Variants in KCNMA1 observed in about 807,000 individuals in gnomAD.
The protein encoded by KCNMA1 is Calcium-activated potassium channel subunit alpha-1.
KCNMA1 carries 29 observed loss-of-function variants against 140.0 expected under a neutral mutation model. The ratio of observed to expected loss-of-function variants is 0.21; its 90% CI spans 0.15 to 0.28. The LOEUF (loss-of-function observed/expected upper bound fraction) is 0.28, where lower values mean the gene tolerates loss of function less well. Ranked by LOEUF, KCNMA1 falls within the 10% of genes least tolerant of loss-of-function variation. KCNMA1 has a pLI of 1.00. For missense variants in KCNMA1, 880 were observed against 1,602.2 expected (o/e 0.55, Z 7.70); for synonymous variants, 612 against 611.9 (o/e 1.00, Z 0.00).
chr10:77,055,989 T>C (rs1254410347), intron 14 of KCNMA1, among the ~76,000 whole-genome samples: 1 of 152,170 alleles, frequency 6.6e-6, no homozygotes, highest in Non-Finnish European at 1.5e-5. Flanking sequence ...CTGAGGGCAA[T>C]ATTGGACAGA....
chr10:77,011,376 C>T (rs1349938069), intron 18 of KCNMA1, among the ~76,000 whole-genome samples: 2 of 152,122 alleles, frequency 1.3e-5, no homozygotes, highest in African/African-American at 4.8e-5. Context: ...CTAGTCTACC[C>T]CAAAGAGCGA....
chr10:77,271,454 G>C (rs185753859), intron 2 of KCNMA1, among the ~76,000 whole-genome samples: 3 of 152,302 alleles, frequency 2.0e-5, no homozygotes, highest in African/African-American at 7.2e-5. Context: ...GGCTAGAACA[G>C]CATAACTAGA....
chr10:77,548,287 T>A (rs1375720602), intron 1 of KCNMA1, among the ~76,000 whole-genome samples: 1 of 152,198 alleles, frequency 6.6e-6, no homozygotes, highest in African/African-American at 2.4e-5. Context: ...CCAACATGCC[T>A]GGTGCAATCA....
intron 2 of KCNMA1, among the ~76,000 whole-genome samples, chr10:77,340,719 G>C (rs1349400295): frequency 6.6e-6 from 1 of 151,900 alleles, no homozygotes; most frequent in Non-Finnish European, 1.5e-5. Flanking sequence ...CGTGGGGTCG[G>C]GGGGAGGGGG....
chr10:77,033,085 T>C (rs2094056000), intron 15 of KCNMA1, among the ~76,000 whole-genome samples: 1 of 152,144 alleles, frequency 6.6e-6, no homozygotes, highest in Non-Finnish European at 1.5e-5. Context: ...CCTCTTCAGC[T>C]ATCCAGAGGG....
Position 77,075,437 on chromosome 10 carries a change from T to A in KCNMA1, c.1594-2185A>T, listed in dbSNP as rs981656981. ...TGTGTGTGAAAGGAGATTTTTTTGG[T>A]CCAAGCCCTAAAGAGACAGCTCTGA... On this transcript the variant is annotated intron_variant, in intron 13 of 27. Transcript: ENST00000286628. 2.0e-5 allele frequency among the ~76,000 whole-genome samples: 3 copies of A among 152,308 alleles called. No homozygotes were observed. The South Asian group carries it at 6.2e-4, about 32-fold the overall frequency.
chr10:77,229,725 A>T (rs1485338936), intron 3 of KCNMA1, among the ~76,000 whole-genome samples: 3 of 152,178 alleles, frequency 2.0e-5, no homozygotes, highest in African/African-American at 7.2e-5. Context: ...ACTCCCTGAG[A>T]CGAACCAAGG....
In KCNMA1 at chr10:76,891,578, G is replaced by A. The variant is rs2151872034; in HGVS notation, c.3289C>T (p.Arg1097Cys). The stretch of plus-strand genomic sequence containing the variant: ...AGAGCTAACTGGGCCACGCGGCAGC[G>A]GTCCCTATTGGCCAGTGTCTGCGGG... ...STPQTLANRD[R>C]CRVAQLALLD... The change falls in exon 26 of 28, where the codon CGC becomes TGC. Residue 1097 changes from arginine to cysteine, a missense_variant. By Grantham distance (180) the Arg-to-Cys change is radical. Transcript: ENST00000286628. 1 of 1,613,906 alleles carries A rather than the reference G, an allele frequency of 6.2e-7. No individual in the cohort carries two copies. The highest frequency in any genetic ancestry group is 8.5e-7 in the Non-Finnish European group (1 of 1,180,018).
intron 9 of KCNMA1, among the ~76,000 whole-genome samples, chr10:77,096,556 GC>G (rs1427506896): frequency 6.6e-6 from 1 of 152,194 alleles, no homozygotes; most frequent in Non-Finnish European, 1.5e-5. Flanking sequence ...CTTTAGCAGA[GC>G]CTCGCTCTAG....
intron 19 of KCNMA1, among the ~76,000 whole-genome samples, chr10:76,994,554 G>A (rs2083650398): frequency 6.6e-6 from 1 of 152,198 alleles, no homozygotes. Flanking sequence ...TCTTTGGGGA[G>A]TGACCCCATG....
chr10:77,506,085 A>T (rs1190626886), intron 1 of KCNMA1, among the ~76,000 whole-genome samples: 1 of 152,172 alleles, frequency 6.6e-6, no homozygotes, highest in Non-Finnish European at 1.5e-5. Context: ...GGAATTGTAA[A>T]AGGAATTCCC....
intron 3 of KCNMA1, among the ~76,000 whole-genome samples, chr10:77,188,063 G>A (rs531309570): frequency 6.6e-6 from 1 of 152,138 alleles, no homozygotes; most frequent in South Asian, 2.1e-4. Flanking sequence ...ATTATAGGAT[G>A]GAGAATGAAA....
At chr10:77,465,531 T>A (rs2097976636) in intron 1 of KCNMA1, among the ~76,000 whole-genome samples, 1 of 152,138 alleles carries the variant, frequency 6.6e-6, no homozygotes, top group Non-Finnish European at 1.5e-5. Context: ...GGGTGAGCCA[T>A]TTAAACATAC....
intron 3 of KCNMA1, chr10:77,250,829 C>A (rs1488848661): frequency 3.3e-6 from 1 of 299,482 alleles, no homozygotes; most frequent in Non-Finnish European, 6.4e-6. Context: ...ATGGCTCAGA[C>A]CCTCATCTGT....
chr10:77,509,024 CT>C (rs1165519375), intron 1 of KCNMA1, among the ~76,000 whole-genome samples: 7 of 152,294 alleles, frequency 4.6e-5, no homozygotes, highest in Non-Finnish European at 8.8e-5. Flanking sequence ...CACTGTATGT[CT>C]ATGCCACATT....
chr10:77,616,604 G>A (rs2619626), intron 1 of KCNMA1, among the ~76,000 whole-genome samples: 31,671 of 151,912 alleles, frequency 0.21, 3,544 homozygotes, highest in African/African-American at 0.23. Context: ...TCAGGAGTTC[G>A]AGACCAGCCT....
intron 1 of KCNMA1, among the ~76,000 whole-genome samples, chr10:77,625,450 A>G (rs568371532): frequency 2.0e-5 from 3 of 152,208 alleles, no homozygotes; most frequent in East Asian, 1.9e-4. Context: ...CATGTTTCAC[A>G]TTGTTGTGCA....
Position 77,181,179 on chromosome 10 carries a change from T to G in KCNMA1, c.808+2242A>C, listed in dbSNP as rs114604234. Among the ~76,000 whole-genome samples the G allele has an allele frequency of 6.0e-3, 920 of 152,248 alleles. 9 individuals carry two copies. The highest frequency in any genetic ancestry group is 0.021 in the African/African-American group (876 of 41,542). On this transcript the variant is annotated intron_variant, in intron 5 of 27. Transcript: ENST00000286628. Reference sequence around the variant, plus strand: ...GTGCAGATTCATGAAGTGTGAGGACTAGAAGGTAATTTCATTTAAACCCCC... The same window carrying G: ...GTGCAGATTCATGAAGTGTGAGGACGAGAAGGTAATTTCATTTAAACCCCC...
chr10:77,114,553 A>T (rs974018541), intron 6 of KCNMA1, among the ~76,000 whole-genome samples: 5 of 152,114 alleles, frequency 3.3e-5, no homozygotes, highest in African/African-American at 1.2e-4. Context: ...TGCCAGCTAA[A>T]CCTATTTACT....
Sources: gnomAD v4.1 joint callset for allele counts (sites outside exome capture counted in the v4.1 genomes callset) on GRCh38, gnomAD v4.1.1 for gene constraint, MANE v1.5 for transcripts, NCBI Gene and HGNC (gene_info 2026-07-23, HGNC 2026-07-21) for gene names.